Variants in KCNB2 observed in about 807,000 individuals in gnomAD.
KCNB2 encodes the protein potassium voltage-gated channel subfamily B member 2.
In KCNB2, 15 loss-of-function variants were observed where a neutral mutation model predicts 61.5. That is an observed-to-expected ratio of 0.24 (90% CI 0.16 to 0.38). KCNB2 has a LOEUF of 0.38. Among genes scored for constraint, KCNB2 ranks in the 10% least tolerant of loss-of-function variants. The probability of loss-of-function intolerance (pLI) is 1.00; values close to 1 mark genes in which losing one functional copy is unlikely to be tolerated. For missense variants in KCNB2, 828 were observed against 1,125.2 expected, an observed-to-expected ratio of 0.74 and a Z score of 3.78; for synonymous variants, 457 against 446.0, an observed-to-expected ratio of 1.02 and a Z score of -0.31.
At chr8:72,597,325 C>T (rs1020045660) in intron 2 of KCNB2, among the ~76,000 whole-genome samples, 14 of 152,116 alleles carry the variant, frequency 9.2e-5, no homozygotes, top group South Asian at 2.1e-4. Flanking sequence ...TGAGCCACCA[C>T]GCCTGGCCCA....
intron 2 of KCNB2, among the ~76,000 whole-genome samples, chr8:72,728,259 C>T (rs1050925778): frequency 3.9e-5 from 6 of 152,094 alleles, no homozygotes; most frequent in Non-Finnish European, 5.9e-5. Context: ...ACTAAATATT[C>T]GGGTCAAATA....
chr8:72,647,700 G>T (rs1336434430), intron 2 of KCNB2, among the ~76,000 whole-genome samples: 1 of 152,094 alleles, frequency 6.6e-6, no homozygotes, highest in Non-Finnish European at 1.5e-5. Context: ...GTGGGAATGA[G>T]GCTGGGCTCA....
chr8:72,570,264 T>C lies in KCNB2; in HGVS notation c.579+1951T>C, dbSNP rs796158895. Among the ~76,000 whole-genome samples the C allele has an allele frequency of 1.7e-4, 26 of 152,318 alleles. 1 individual carries two copies. The highest frequency in any genetic ancestry group is 6.0e-4 in the African/African-American group (25 of 41,600). On this transcript the variant is annotated intron_variant, in intron 2 of 2. Coordinates refer to ENST00000523207, the MANE Select transcript of KCNB2 (RefSeq NM_004770.3). ...ACCCAGCAGCCAAAGACATTGGTTT[T>C]GGAAAATTTTATGTAGTTATAAATG...
In KCNB2 at chr8:72,938,004, C is replaced by G. The variant is rs753969891; in HGVS notation, c.2649C>G (p.Cys883Trp). 3 of 1,614,106 alleles carry G rather than the reference C, an allele frequency of 1.9e-6. No individual in the cohort carries two copies. The highest frequency in any genetic ancestry group is 1.7e-5 in the Admixed American group (1 of 60,022). Residue 883 changes from cysteine (C) to tryptophan (W), a missense_variant, in exon 3 of 3, where the codon TGC becomes TGG. By Grantham distance (215) the Cys-to-Trp change is radical. Transcript: ENST00000523207. ...AAAAGGACAGTAGTCAAGAAGGGTG[C>G]AAGATGGAAAATCACTTGTTTGCCC... ...EVKKDSSQEG[C>W]KMENHLFAPE...
At chr8:72,910,638 TA>T (rs1806271540) in intron 2 of KCNB2, among the ~76,000 whole-genome samples, 4 of 152,272 alleles carry the variant, frequency 2.6e-5, no homozygotes, top group Admixed American at 1.3e-4. Flanking sequence ...GTAAGGACTG[TA>T]AAGTGACATT....
intron 2 of KCNB2, among the ~76,000 whole-genome samples, chr8:72,620,081 G>C (rs1366589369): frequency 6.6e-6 from 1 of 152,216 alleles, no homozygotes; most frequent in Non-Finnish European, 1.5e-5. Flanking sequence ...TGTGGTGAAT[G>C]AAATATATTA....
intron 2 of KCNB2, among the ~76,000 whole-genome samples, chr8:72,654,942 T>C (rs757707606): frequency 1.2e-4 from 19 of 152,140 alleles, no homozygotes; most frequent in Non-Finnish European, 2.4e-4. Flanking sequence ...AATCCCATTG[T>C]TGAGTATATA....
At chr8:72,684,491 G>GA (rs1471727003) in intron 2 of KCNB2, among the ~76,000 whole-genome samples, 14 of 152,128 alleles carry the variant, frequency 9.2e-5, no homozygotes, top group Admixed American at 2.6e-4. Flanking sequence ...CAGTATTTAA[G>GA]ACGCAGGAGC....
chr8:72,754,115 A>C (rs1426814049), intron 2 of KCNB2, among the ~76,000 whole-genome samples: 1 of 152,182 alleles, frequency 6.6e-6, no homozygotes, highest in African/African-American at 2.4e-5. Flanking sequence ...AACTGGAGCT[A>C]TCAAGTTTGA....
intron 2 of KCNB2, among the ~76,000 whole-genome samples, chr8:72,585,528 A>G (rs551272284): frequency 6.6e-6 from 1 of 152,266 alleles, no homozygotes; most frequent in East Asian, 1.9e-4. Flanking sequence ...TAGTTTTTCA[A>G]TGTTTTCTTT....
chr8:72,597,487 A>G (rs1439594248), intron 2 of KCNB2, among the ~76,000 whole-genome samples: 3 of 152,250 alleles, frequency 2.0e-5, no homozygotes, highest in Non-Finnish European at 4.4e-5. Context: ...AGAAAGTTTC[A>G]TGAACATTTT....
chr8:72,802,323 A>G (rs547965069), intron 2 of KCNB2, among the ~76,000 whole-genome samples: 6 of 152,338 alleles, frequency 3.9e-5, no homozygotes, highest in Non-Finnish European at 5.9e-5. Context: ...CCATCCATAT[A>G]GTCACTGCTC....
chr8:72,761,230 TG>T (rs1808374318), intron 2 of KCNB2, among the ~76,000 whole-genome samples: 1 of 152,162 alleles, frequency 6.6e-6, no homozygotes, highest in Non-Finnish European at 1.5e-5. Context: ...GCATCCATCC[TG>T]GGGGCCCTGC....
At chr8:72,578,493 G>T (rs1448929910) in intron 2 of KCNB2, among the ~76,000 whole-genome samples, 1 of 152,106 alleles carries the variant, frequency 6.6e-6, no homozygotes, top group Non-Finnish European at 1.5e-5. Flanking sequence ...TGTTATATAA[G>T]TAAAGTAATT....
chr8:72,739,047 G>C (rs2128994323), intron 2 of KCNB2, among the ~76,000 whole-genome samples: 1 of 152,112 alleles, frequency 6.6e-6, no homozygotes, highest in Admixed American at 6.6e-5. Flanking sequence ...ACAAGTGACT[G>C]ATCCTGGCTT....
At chr8:72,703,546 C>A (rs906972867) in intron 2 of KCNB2, among the ~76,000 whole-genome samples, 1 of 152,182 alleles carries the variant, frequency 6.6e-6, no homozygotes, top group Admixed American at 6.5e-5. Flanking sequence ...CCATGATCTT[C>A]GACCAAGTAG....
chr8:72,760,556 T>A (rs1436046053), intron 2 of KCNB2, among the ~76,000 whole-genome samples: 1 of 152,060 alleles, frequency 6.6e-6, no homozygotes, highest in African/African-American at 2.4e-5. Flanking sequence ...ACCTACTAAA[T>A]CAGAAACACA....
intron 2 of KCNB2, among the ~76,000 whole-genome samples, chr8:72,925,386 A>G (rs1806620678): frequency 6.6e-6 from 1 of 152,210 alleles, no homozygotes; most frequent in Non-Finnish European, 1.5e-5. Flanking sequence ...AGGTCCTTAA[A>G]CTGGTCTTCT....
At chr8:72,663,348 T>C (rs542469391) in intron 2 of KCNB2, among the ~76,000 whole-genome samples, 1 of 152,120 alleles carries the variant, frequency 6.6e-6, no homozygotes, top group African/African-American at 2.4e-5. Flanking sequence ...CAGAGAATAG[T>C]GGGAAGGTAA....
Sources: allele counts gnomAD v4.1 joint callset (sites outside exome capture counted in the v4.1 genomes callset), GRCh38; gene constraint gnomAD v4.1.1; transcripts MANE v1.5; gene names NCBI Gene and HGNC (gene_info 2026-07-23, HGNC 2026-07-21).